CFAP54: variants seen among roughly 807,000 people sequenced by gnomAD.
CFAP54 encodes cilia and flagella associated protein 54.
CFAP54 carries 290 observed loss-of-function variants against 370.4 expected under a neutral mutation model. The observed-to-expected ratio is 0.78, with a 90% CI of 0.71 to 0.86. The LOEUF (loss-of-function observed/expected upper bound fraction) is 0.86, where lower values mean the gene tolerates loss of function less well. Ranked by LOEUF, CFAP54 falls within the 40% of genes least tolerant of loss-of-function variation. The pLI, the probability that CFAP54 is intolerant of heterozygous loss-of-function variation, is 0.00. For missense variants in CFAP54, 3,399 were observed against 3,528.7 expected (o/e 0.96, Z 0.93); for synonymous variants, 1,206 against 1,236.5 (o/e 0.98, Z 0.52).
At chr12:96,755,666 C>CTTTTTTTTTTTTTTTT (rs71758359) in intron 56 of CFAP54, among the ~76,000 whole-genome samples, 1 of 88,042 alleles carries the variant, frequency 1.1e-5, no homozygotes, top group East Asian at 4.1e-4. Context: ...TTCTTTTTTC[C>CTTTTTTTTTTTTTTTT]TTTTTTTTTT....
intron 50 of CFAP54, among the ~76,000 whole-genome samples, chr12:96,734,552 A>G (rs1957958699): frequency 1.3e-5 from 2 of 152,214 alleles, no homozygotes; most frequent in Admixed American, 1.3e-4. Flanking sequence ...TGAAGTTTGC[A>G]CTGTTATTAT....
At position 96,534,158 on chromosome 12, in the gene CFAP54, A is replaced by G. The variant is rs748670602; in HGVS notation, c.1636A>G (p.Ile546Val). The G allele has an allele frequency of 1.4e-5, 21 of 1,526,788 alleles. No individual in the cohort carries two copies. Among genetic ancestry groups the G allele is most frequent in the Non-Finnish European group, 1.8e-5 (21 of 1,139,656 alleles). 94.6% of individuals were successfully genotyped at this position (1,526,788 alleles called of 1,614,324 possible). A position where few individuals can be genotyped will look rare whatever the true frequency, so the allele number is the denominator to read the frequency against. ...LINVKRNKGL[I>V]FPLENYKEGQ... is the part of the protein sequence containing the mutation. ...CAACGTGAAGAGAAACAAAGGTTTGATCTTTCCTTTGGAAAACTATAAAGA... is the reference window on the plus strand; with the variant it reads ...CAACGTGAAGAGAAACAAAGGTTTGGTCTTTCCTTTGGAAAACTATAAAGA... Residue 546 changes from isoleucine to valine, a missense_variant, in exon 11 of 68, where the codon ATC (isoleucine) becomes GTC (valine). Coordinates refer to ENST00000524981, the MANE Select transcript of CFAP54 (RefSeq NM_001306084.2).
chr12:96,681,010 G>A (rs1046621454), intron 40 of CFAP54, among the ~76,000 whole-genome samples: 3 of 151,924 alleles, frequency 2.0e-5, no homozygotes, highest in South Asian at 2.1e-4. Context: ...TTGAACCGGC[G>A]GGGCAGAGGT....
intron 60 of CFAP54, among the ~76,000 whole-genome samples, chr12:96,778,415 A>G (rs1253012202): frequency 5.3e-5 from 8 of 152,348 alleles, no homozygotes; most frequent in Admixed American, 3.9e-4. Flanking sequence ...TCTTTAAACT[A>G]TGAACAATTG....
intron 45 of CFAP54, among the ~76,000 whole-genome samples, chr12:96,698,638 G>A (rs1172033933): frequency 6.6e-6 from 1 of 152,098 alleles, no homozygotes; most frequent in Non-Finnish European, 1.5e-5. Flanking sequence ...AAGGACACAT[G>A]GACACAAAGA....
At chr12:96,779,091 G>A (rs1209134263) in intron 60 of CFAP54, among the ~76,000 whole-genome samples, 3 of 137,198 alleles carry the variant, frequency 2.2e-5, no homozygotes, top group Middle Eastern at 4.6e-3. Flanking sequence ...TGGGCAACAC[G>A]AGTGAATCTC....
rs1337961075 is a variant in CFAP54, at chr12:96,651,670, T to C, written c.4955T>C (p.Ile1652Thr). 6.2e-7 allele frequency: 1 copy of C among 1,614,198 alleles called. No homozygotes were observed. Among genetic ancestry groups the C allele is most frequent in the Admixed American group, 1.7e-5 (1 of 60,028 alleles). ...TGGAACTTTACTCAGGAACTACAAA[T>C]ACTTCTTAAACAGGCAGTGGATCTT... ...ALWNFTQELQ[I>T]LLKQAVDLDK... The change falls in exon 36 of 68, where the codon ATA becomes ACA. Residue 1652 changes from isoleucine (I) to threonine (T), a missense_variant. Transcript: ENST00000524981.
chr12:96,567,623 T>C (rs991467849), intron 19 of CFAP54, among the ~76,000 whole-genome samples: 1 of 152,192 alleles, frequency 6.6e-6, no homozygotes. Flanking sequence ...CCTATTTTTA[T>C]GGCAAATAAA....
intron 50 of CFAP54, among the ~76,000 whole-genome samples, chr12:96,728,181 C>G (rs1432523519): frequency 1.3e-5 from 2 of 151,994 alleles, no homozygotes; most frequent in African/African-American, 4.8e-5. Context: ...CGAGGAGTAT[C>G]TTTGTGGCAT....
At chr12:96,576,346 A>T (rs1042137444) in intron 19 of CFAP54, among the ~76,000 whole-genome samples, 7 of 151,716 alleles carry the variant, frequency 4.6e-5, no homozygotes, top group African/African-American at 1.5e-4. Flanking sequence ...ATAATGATAA[A>T]CATATAAGAT....
chr12:96,708,047 G>A (rs1054916326), intron 47 of CFAP54, among the ~76,000 whole-genome samples: 1 of 152,212 alleles, frequency 6.6e-6, no homozygotes, highest in East Asian at 1.9e-4. Flanking sequence ...CCACCCCAGG[G>A]ATGCAGACCA....
chr12:96,844,655 A>T (rs760528337), intron 66 of CFAP54, among the ~76,000 whole-genome samples: 4 of 152,190 alleles, frequency 2.6e-5, no homozygotes, highest in Non-Finnish European at 5.9e-5. Context: ...GTTAAGATAG[A>T]TACTATTATC....
At chr12:96,532,089 G>A (rs1269623389) in intron 9 of CFAP54, among the ~76,000 whole-genome samples, 1 of 152,154 alleles carries the variant, frequency 6.6e-6, no homozygotes, top group African/African-American at 2.4e-5. Context: ...AGTTGTTCTT[G>A]CCTTATGTTT....
At chr12:96,709,701 T>TTTA (rs71068827) in intron 48 of CFAP54, among the ~76,000 whole-genome samples, 3,134 of 144,072 alleles carry the variant, frequency 0.022, 49 homozygotes, top group African/African-American at 0.045. Context: ...TTGATCATGG[T>TTTA]TTATTATTAT....
At chr12:96,852,829 G>A (rs1030840619) in intron 66 of CFAP54, among the ~76,000 whole-genome samples, 2 of 152,046 alleles carry the variant, frequency 1.3e-5, no homozygotes, top group African/African-American at 4.8e-5. Context: ...TTGGACCAAA[G>A]ACCTGTACTT....
At chr12:96,748,421 T>C (rs1367835978) in intron 55 of CFAP54, among the ~76,000 whole-genome samples, 2 of 152,206 alleles carry the variant, frequency 1.3e-5, no homozygotes, top group Admixed American at 1.3e-4. Flanking sequence ...AGTGCTGCTG[T>C]TCTTCTTCCC....
intron 9 of CFAP54, among the ~76,000 whole-genome samples, chr12:96,528,158 A>G (rs1456565925): frequency 2.6e-5 from 4 of 152,118 alleles, no homozygotes; most frequent in Non-Finnish European, 5.9e-5. Context: ...TATTTGAGAT[A>G]TCTACAGAAT....
At chr12:96,562,601 AT>A (rs750808124) in intron 17 of CFAP54, among the ~76,000 whole-genome samples, 47 of 150,026 alleles carry the variant, frequency 3.1e-4, no homozygotes, top group Non-Finnish European at 1.5e-5. Context: ...TAATTTTTGT[AT>A]TTTTTTTAGT....
chr12:96,820,766 T>C (rs1959023892), intron 65 of CFAP54, among the ~76,000 whole-genome samples: 1 of 152,226 alleles, frequency 6.6e-6, no homozygotes. Flanking sequence ...AAGTGCATGA[T>C]TGCCCTTTCA....
Sources: allele counts gnomAD v4.1 joint callset (sites outside exome capture counted in the v4.1 genomes callset), GRCh38; gene constraint gnomAD v4.1.1; transcripts MANE v1.5; gene names NCBI Gene and HGNC (gene_info 2026-07-23, HGNC 2026-07-21).